Variants in EFCAB11 observed in about 807,000 individuals in gnomAD.
The protein encoded by EFCAB11 is EF-hand calcium-binding domain-containing protein 11.
In EFCAB11, 14 loss-of-function variants were observed where a neutral mutation model predicts 23.0. The observed-to-expected ratio is 0.61, with a 90% CI of 0.40 to 0.95. EFCAB11 has a LOEUF of 0.95. EFCAB11 is among the 40% of genes least tolerant of loss of function. The pLI is 0.00. For synonymous variants in EFCAB11, 65 were observed against 66.6 expected, an observed-to-expected ratio of 0.98 and a Z score of 0.11; for missense variants, 198 against 195.8, an observed-to-expected ratio of 1.01 and a Z score of -0.07.
At chr14:89,952,299 T>G (rs528239150) in intron 2 of EFCAB11, 1 of 624,394 alleles carries the variant, frequency 1.6e-6, no homozygotes, top group Non-Finnish European at 2.0e-6. Context: ...TACAGTATGT[T>G]ACATCACTGT....
At chr14:89,922,954 G>C (rs529706082) in intron 5 of EFCAB11, among the ~76,000 whole-genome samples, 1 of 152,154 alleles carries the variant, frequency 6.6e-6, no homozygotes, top group Non-Finnish European at 1.5e-5. Context: ...AGGATGAATC[G>C]AATTTGTATC....
At chr14:89,823,901 A>G (rs1410836498) in intron 5 of EFCAB11, among the ~76,000 whole-genome samples, 2 of 152,346 alleles carry the variant, frequency 1.3e-5, no homozygotes, top group African/African-American at 4.8e-5. Flanking sequence ...TCTGAGAGAA[A>G]AAGAAACGAA....
At position 89,932,631 on chromosome 14, in the gene EFCAB11, A is replaced by G. The variant is rs756465307; in HGVS notation, c.218-4T>C. 10 of 1,606,970 alleles carry G rather than the reference A, an allele frequency of 6.2e-6. No homozygotes were observed. The South Asian group carries it at 7.7e-5, about 12-fold the overall frequency. ...AAAAACCCCTCGAGTAATATACCTAAAAGTTGGGGAAAAAACAATTTGTCA... is the reference window on the plus strand; with the variant it reads ...AAAAACCCCTCGAGTAATATACCTAGAAGTTGGGGAAAAAACAATTTGTCA... On this transcript the variant is annotated splice_polypyrimidine_tract_variant and splice_region_variant and intron_variant, in intron 3 of 5. Transcript: ENST00000316738.
intron 5 of EFCAB11, among the ~76,000 whole-genome samples, chr14:89,859,339 A>G (rs1887850371): frequency 6.6e-6 from 1 of 152,202 alleles, no homozygotes; most frequent in Non-Finnish European, 1.5e-5. Context: ...TCTTATTCAC[A>G]AATATTTCTT....
intron 5 of EFCAB11, among the ~76,000 whole-genome samples, chr14:89,871,972 G>A (rs369199940): frequency 2.0e-5 from 3 of 152,314 alleles, no homozygotes; most frequent in South Asian, 2.1e-4. Context: ...ACGGGGCTCC[G>A]ATTTGGGAAG....
chr14:89,801,223 G>A (rs1885769691), intron 5 of EFCAB11, among the ~76,000 whole-genome samples: 1 of 152,116 alleles, frequency 6.6e-6, no homozygotes, highest in Admixed American at 6.5e-5. Context: ...TCAATTGACT[G>A]TTACGTTTCC....
At chr14:89,850,428 C>A (rs561647699) in intron 5 of EFCAB11, among the ~76,000 whole-genome samples, 3 of 152,254 alleles carry the variant, frequency 2.0e-5, no homozygotes, top group Admixed American at 2.0e-4. Flanking sequence ...TAATTTTAGG[C>A]CCTACCACAA....
At chr14:89,872,474 T>C (rs1888309663) in intron 5 of EFCAB11, among the ~76,000 whole-genome samples, 1 of 152,206 alleles carries the variant, frequency 6.6e-6, no homozygotes, top group Admixed American at 6.5e-5. Context: ...GGGAGAGTAC[T>C]GCACTGCTAT....
intron 5 of EFCAB11, among the ~76,000 whole-genome samples, chr14:89,885,703 AAGAGAGAAAGAAAGAG>A (rs1310631218): frequency 1.3e-5 from 2 of 149,694 alleles, no homozygotes; most frequent in East Asian, 2.0e-4. Context: ...AAGAGAGAGA[AAGAGAGAAAGAAAGAG>A]AGAGAGAAAG....
chr14:89,835,630 G>GTGTGTGTA, intron 5 of EFCAB11, among the ~76,000 whole-genome samples: 1 of 146,526 alleles, frequency 6.8e-6, no homozygotes, highest in Non-Finnish European at 1.5e-5. Context: ...GTGTGTGTGT[G>GTGTGTGTA]TGTGTGTGTG....
intron 5 of EFCAB11, among the ~76,000 whole-genome samples, chr14:89,879,938 A>G (rs1888551316): frequency 6.6e-6 from 1 of 152,222 alleles, no homozygotes; most frequent in African/African-American, 2.4e-5. Flanking sequence ...ACTCTCCAGA[A>G]CAAACCTGTT....
chr14:89,857,675 C>T (rs1472931892), intron 5 of EFCAB11, among the ~76,000 whole-genome samples: 1 of 152,142 alleles, frequency 6.6e-6, no homozygotes. Context: ...GTGGAATTGG[C>T]CCTCACCAGT....
chr14:89,878,042 G>A (rs535836849), intron 5 of EFCAB11, among the ~76,000 whole-genome samples: 2 of 152,196 alleles, frequency 1.3e-5, no homozygotes, highest in South Asian at 4.1e-4. Context: ...TTCTTCCAAC[G>A]CTACAGAACG....
chr14:89,912,258 A>T (rs919822026), intron 5 of EFCAB11, among the ~76,000 whole-genome samples: 3 of 152,212 alleles, frequency 2.0e-5, no homozygotes. Context: ...CCTGAACTTT[A>T]TTGGCCTTTA....
At chr14:89,857,753 A>G (rs370953166) in intron 5 of EFCAB11, among the ~76,000 whole-genome samples, 2 of 152,320 alleles carry the variant, frequency 1.3e-5, no homozygotes, top group African/African-American at 2.4e-5. Context: ...CTCAGAAACA[A>G]TAAGTTCTGA....
At chr14:89,877,165 G>A (rs1212271559) in intron 5 of EFCAB11, among the ~76,000 whole-genome samples, 1 of 151,876 alleles carries the variant, frequency 6.6e-6, no homozygotes, top group Non-Finnish European at 1.5e-5. Context: ...TCAGCCTCCT[G>A]AGTAGCTAGG....
chr14:89,800,505 C>T (rs1885740936), intron 5 of EFCAB11, among the ~76,000 whole-genome samples: 1 of 152,184 alleles, frequency 6.6e-6, no homozygotes, highest in African/African-American at 2.4e-5. Flanking sequence ...CCACCCACTT[C>T]AATCCAGTTA....
At chr14:89,863,232 A>G (rs907074313) in intron 5 of EFCAB11, among the ~76,000 whole-genome samples, 1 of 152,244 alleles carries the variant, frequency 6.6e-6, no homozygotes, top group African/African-American at 2.4e-5. Context: ...TCAATGTTAA[A>G]GAAAGCCAGC....
chr14:89,926,922 A>G (rs1013301415), intron 5 of EFCAB11, among the ~76,000 whole-genome samples: 1 of 152,232 alleles, frequency 6.6e-6, no homozygotes, highest in African/African-American at 2.4e-5. Context: ...AAAACAAAAC[A>G]GGAGATTATG....
Sources: allele counts gnomAD v4.1 joint callset (sites outside exome capture counted in the v4.1 genomes callset), GRCh38; gene constraint gnomAD v4.1.1; transcripts MANE v1.5; gene names NCBI Gene and HGNC (gene_info 2026-07-23, HGNC 2026-07-21).